The following BMPR1A variants were observed in gnomAD, a reference collection of about 807,000 sequenced individuals.
BMPR1A encodes the protein bone morphogenetic protein receptor type 1A.
A neutral mutation model predicts 66.0 loss-of-function variants in BMPR1A; 7 were observed. That is an observed-to-expected ratio of 0.11 (90% CI 0.06 to 0.20). The LOEUF (loss-of-function observed/expected upper bound fraction) is 0.20. Ranked by LOEUF, BMPR1A falls within the 10% of genes least tolerant of loss-of-function variation. The pLI, the probability that BMPR1A is intolerant of heterozygous loss-of-function variation, is 1.00. For synonymous variants in BMPR1A, 200 were observed against 229.7 expected, an observed-to-expected ratio of 0.87 and a Z score of 1.17; for missense variants, 408 against 669.1, an observed-to-expected ratio of 0.61 and a Z score of 4.31.
At chr10:86,795,079 G>A (rs932435166) in intron 1 of BMPR1A, among the ~76,000 whole-genome samples, 8 of 151,932 alleles carry the variant, frequency 5.3e-5, no homozygotes, top group Admixed American at 2.0e-4. Flanking sequence ...TTGAACTCCC[G>A]ACCTCAGGTG....
chr10:86,899,685 C>A, intron 5 of BMPR1A, 109 bp from the exon 6 acceptor site: 1 of 1,091,484 alleles, frequency 9.2e-7, no homozygotes, highest in Non-Finnish European at 1.3e-6. Context: ...ATAAAATTTG[C>A]AGGCCCCTTT....
chr10:86,927,601 T>C lies in BMPR1A; in HGVS notation c.*3882T>C. On this transcript the variant is annotated 3_prime_UTR_variant, in exon 13 of 13. Coordinates refer to ENST00000372037, the MANE Select transcript of BMPR1A (RefSeq NM_004329.3). ...AATATGGCTCTTGTAAAGGATTAAC[T>C]ATTGTAATTTTAGCTTATGCTCTGT... is the stretch of plus-strand genomic sequence containing the variant. The C allele has an allele frequency of 5.0e-6, 1 of 198,942 alleles. No individual in the cohort carries two copies. Among genetic ancestry groups the C allele is most frequent in the African/African-American group, 2.3e-5 (1 of 43,520 alleles). 12.3% of individuals were successfully genotyped at this position (198,942 alleles called of 1,614,324 possible). A position where few individuals can be genotyped will look rare whatever the true frequency, so the allele number is the denominator to read the frequency against.
chr10:86,775,458 G>T (rs965090654), intron 1 of BMPR1A, among the ~76,000 whole-genome samples: 9 of 152,110 alleles, frequency 5.9e-5, no homozygotes, highest in Admixed American at 5.9e-4. Context: ...AAGGCTGATG[G>T]TTTCATGACA....
intron 1 of BMPR1A, among the ~76,000 whole-genome samples, chr10:86,774,021 T>C (rs1841307356): frequency 6.6e-6 from 1 of 152,000 alleles, no homozygotes; most frequent in South Asian, 2.1e-4. Flanking sequence ...TGGCTAATTT[T>C]TGTATTTTTA....
chr10:86,805,527 T>A (rs1384847944), intron 1 of BMPR1A, among the ~76,000 whole-genome samples: 2 of 146,454 alleles, frequency 1.4e-5, no homozygotes, highest in African/African-American at 5.0e-5. Flanking sequence ...AGTGGCAGGA[T>A]CTTGGCTCAC....
At chr10:86,839,995 G>A (rs1164185202) in intron 2 of BMPR1A, among the ~76,000 whole-genome samples, 2 of 152,092 alleles carry the variant, frequency 1.3e-5, no homozygotes, top group Non-Finnish European at 2.9e-5. Flanking sequence ...TAGAATAATA[G>A]ATCTTTGGAA....
intron 1 of BMPR1A, among the ~76,000 whole-genome samples, chr10:86,759,592 C>G (rs187702272): frequency 4.2e-4 from 64 of 152,304 alleles, no homozygotes; most frequent in African/African-American, 1.4e-3. Flanking sequence ...TCTGTTGATT[C>G]TGCTTTATGA....
intron 1 of BMPR1A, among the ~76,000 whole-genome samples, chr10:86,832,465 TA>T (rs72199985): frequency 0.049 from 5,991 of 122,190 alleles, 200 homozygotes; most frequent in African/African-American, 0.11. Flanking sequence ...AAACTCCGTC[TA>T]AAAAAAAAAA....
intron 2 of BMPR1A, among the ~76,000 whole-genome samples, chr10:86,842,758 G>A (rs1241711095): frequency 6.6e-6 from 1 of 152,160 alleles, no homozygotes; most frequent in African/African-American, 2.4e-5. Flanking sequence ...TACAATCATG[G>A]CAGAAGGTGA....
At position 86,919,260 on chromosome 10, in the gene BMPR1A, C is replaced by T. The variant is rs2133590573; in HGVS notation, c.957C>T (p.Asp319=). 1 of 1,613,952 alleles carries T rather than the reference C, an allele frequency of 6.2e-7. No individual in the cohort carries two copies. Among genetic ancestry groups the T allele is most frequent in the Non-Finnish European group, 8.5e-7 (1 of 1,179,842 alleles). The part of the protein sequence containing the change: ...TDYHENGSLY[D]FLKCATLDTR... ...ACCATGAAAATGGATCTCTCTATGA[C>T]TTCCTGAAATGTGCTACACTGGACA... The change falls in exon 10 of 13, where the codon GAC becomes GAT. Residue 319 remains aspartate, a synonymous_variant. Transcript: ENST00000372037.
intron 2 of BMPR1A, among the ~76,000 whole-genome samples, chr10:86,871,917 TC>T (rs1842859695): frequency 1.3e-5 from 2 of 152,128 alleles, no homozygotes; most frequent in African/African-American, 4.8e-5. Context: ...GTCCCTGGGT[TC>T]TTTTGGTTGT....
At chr10:86,817,938 C>T (rs760463941) in intron 1 of BMPR1A, among the ~76,000 whole-genome samples, 4 of 152,196 alleles carry the variant, frequency 2.6e-5, no homozygotes, top group African/African-American at 9.6e-5. Context: ...TTCTTAGGAA[C>T]GTTGATGCCA....
chr10:86,864,215 C>G (rs1838328055), intron 2 of BMPR1A, among the ~76,000 whole-genome samples: 1 of 152,200 alleles, frequency 6.6e-6, no homozygotes, highest in African/African-American at 2.4e-5. Context: ...CAGGCACATG[C>G]ACACTAGTTT....
At chr10:86,840,532 TTTC>T (rs1475139922) in intron 2 of BMPR1A, among the ~76,000 whole-genome samples, 1 of 152,176 alleles carries the variant, frequency 6.6e-6, no homozygotes, top group African/African-American at 2.4e-5. Context: ...ATCCTGTTTT[TTTC>T]TTATGTCTTT....
intron 2 of BMPR1A, among the ~76,000 whole-genome samples, chr10:86,853,750 G>A (rs551943983): frequency 1.5e-4 from 23 of 152,268 alleles, no homozygotes; most frequent in African/African-American, 5.3e-4. Context: ...TTTTCAAAAG[G>A]GGAGGGAGTG....
At chr10:86,774,009 C>T (rs1841307106) in intron 1 of BMPR1A, among the ~76,000 whole-genome samples, 1 of 151,904 alleles carries the variant, frequency 6.6e-6, no homozygotes, top group Non-Finnish European at 1.5e-5. Flanking sequence ...TGCCACTACA[C>T]CTGGCTAATT....
chr10:86,790,012 C>T lies in BMPR1A; in HGVS notation c.-268+33093C>T, dbSNP rs1049840204. The stretch of plus-strand genomic sequence containing the variant: ...TCCACTAAAAATACAAAAAATTAGC[C>T]GGGCGTGGTGGCAGGTTCCTGTAGT... On this transcript the variant is annotated intron_variant, in intron 1 of 12. Transcript: ENST00000372037. Among the ~76,000 whole-genome samples the T allele has an allele frequency of 5.1e-4, 76 of 149,064 alleles. 2 individuals are homozygous for T. The highest frequency in any genetic ancestry group is 8.9e-5 in the Non-Finnish European group (6 of 67,230).
At chr10:86,896,827 G>A (rs930493040) in intron 5 of BMPR1A, among the ~76,000 whole-genome samples, 83 of 152,294 alleles carry the variant, frequency 5.4e-4, no homozygotes, top group African/African-American at 1.8e-3. Flanking sequence ...TGAAGGATAC[G>A]TTGCTTTTAA....
chr10:86,868,168 T>TA (rs1470515890), intron 2 of BMPR1A, among the ~76,000 whole-genome samples: 2 of 152,206 alleles, frequency 1.3e-5, no homozygotes, highest in Non-Finnish European at 2.9e-5. Flanking sequence ...AACACCCTGT[T>TA]ATGAATGTCT....
Sources: gnomAD v4.1 joint callset for allele counts (sites outside exome capture counted in the v4.1 genomes callset) on GRCh38, gnomAD v4.1.1 for gene constraint, MANE v1.5 for transcripts, NCBI Gene and HGNC (gene_info 2026-07-23, HGNC 2026-07-21) for gene names.